Variants in MDGA2 observed in about 807,000 individuals in gnomAD.
MDGA2 encodes the protein MAM domain containing glycosylphosphatidylinositol anchor 2.
MDGA2 carries 40 observed loss-of-function variants against 117.8 expected under a neutral mutation model. The observed-to-expected ratio is 0.34, with a 90% CI of 0.26 to 0.44. The LOEUF (loss-of-function observed/expected upper bound fraction) is 0.44. MDGA2 is among the 20% of genes least tolerant of loss of function. MDGA2 has a pLI of 1.00. For synonymous variants in MDGA2, 452 were observed against 439.0 expected (o/e 1.03, Z -0.37); for missense variants, 1,123 against 1,250.6 (o/e 0.90, Z 1.54).
At chr14:46,914,083 G>A (rs1488184889) in intron 10 of MDGA2, among the ~76,000 whole-genome samples, 1 of 152,064 alleles carries the variant, frequency 6.6e-6, no homozygotes, top group East Asian at 1.9e-4. Flanking sequence ...GTATAAAATT[G>A]TGTATTATTT....
At chr14:46,928,233 A>G (rs1470201921) in intron 9 of MDGA2, among the ~76,000 whole-genome samples, 1 of 152,176 alleles carries the variant, frequency 6.6e-6, no homozygotes, top group Non-Finnish European at 1.5e-5. Flanking sequence ...TTTTAAAAAA[A>G]TTCAGTCACA....
chr14:47,296,723 C>T (rs1030681159), intron 2 of MDGA2, among the ~76,000 whole-genome samples: 12 of 152,322 alleles, frequency 7.9e-5, no homozygotes, highest in African/African-American at 2.9e-4. Context: ...TACAGCAATG[C>T]TACCATACAT....
chr14:46,992,919 ATT>A lies in MDGA2; in HGVS notation c.1820-35278_1820-35277del, dbSNP rs528781949. ...GACTAAACCTAATCGCTTACATATC[ATT>A]TAATATTGACAAGTGAAAATGAGTG... On this transcript the variant is annotated intron_variant, in intron 8 of 16. Coordinates refer to ENST00000399232, the MANE Select transcript of MDGA2 (RefSeq NM_001113498.3). 3.3e-5 allele frequency among the ~76,000 whole-genome samples: 5 copies of A among 152,310 alleles called. No individual in the cohort carries two copies. The South Asian group carries it at 1.0e-3, about 32-fold the overall frequency.
At chr14:47,078,996 A>C (rs1323291100) in intron 6 of MDGA2, among the ~76,000 whole-genome samples, 1 of 151,898 alleles carries the variant, frequency 6.6e-6, no homozygotes, top group African/African-American at 2.4e-5. Context: ...TACTTTTATC[A>C]ATACAACTTT....
At chr14:47,506,994 CTTTT>C (rs34589993) in intron 1 of MDGA2, among the ~76,000 whole-genome samples, 1 of 136,040 alleles carries the variant, frequency 7.4e-6, no homozygotes, top group Non-Finnish European at 1.6e-5. Flanking sequence ...AGGCTGCTTA[CTTTT>C]TTTTTTTTTT....
intron 7 of MDGA2, among the ~76,000 whole-genome samples, chr14:47,049,843 A>G (rs766616106): frequency 6.6e-6 from 1 of 151,368 alleles, no homozygotes; most frequent in Non-Finnish European, 1.5e-5. Context: ...TGATTTCTTT[A>G]CCCATCATAT....
intron 1 of MDGA2, among the ~76,000 whole-genome samples, chr14:47,326,258 ATATAT>A (rs1013360807): frequency 3.9e-5 from 6 of 152,122 alleles, no homozygotes; most frequent in Admixed American, 6.6e-5. Context: ...GATTTAAAAT[ATATAT>A]TATATTATGC....
intron 1 of MDGA2, among the ~76,000 whole-genome samples, chr14:47,323,149 GATATATATATATATAT>G (rs58765297): frequency 0.11 from 11,595 of 107,550 alleles, 985 homozygotes; most frequent in East Asian, 0.43. Flanking sequence ...AAGAGTCATG[GATATATATATATATAT>G]ATATATATAT....
chr14:47,553,529 T>C (rs1434263499), intron 1 of MDGA2, among the ~76,000 whole-genome samples: 1 of 152,182 alleles, frequency 6.6e-6, no homozygotes, highest in East Asian at 1.9e-4. Flanking sequence ...AGTGTGGACA[T>C]TTGAAAGCTT....
At chr14:46,886,719 G>A (rs1032677445) in intron 10 of MDGA2, among the ~76,000 whole-genome samples, 1 of 151,816 alleles carries the variant, frequency 6.6e-6, no homozygotes, top group Non-Finnish European at 1.5e-5. Context: ...AGAGAGAGAA[G>A]GAATTCTGAA....
intron 1 of MDGA2, among the ~76,000 whole-genome samples, chr14:47,379,811 A>T (rs1328260808): frequency 6.6e-6 from 1 of 152,152 alleles, no homozygotes; most frequent in Non-Finnish European, 1.5e-5. Context: ...TAGACAGATC[A>T]ACAAGACAGA....
rs746778179 is a variant in MDGA2, at chr14:46,964,919, CTTTT to C, written c.1820-7280_1820-7277del. 2.5e-4 allele frequency among the ~76,000 whole-genome samples: 22 copies of C among 89,788 alleles called. No individual in the cohort carries two copies. The South Asian group carries it at 4.0e-3, about 16-fold the overall frequency. The allele number at this position is 89,788 out of a possible 152,430, so 58.9% of individuals were successfully genotyped here. ...GAAAATATCCCCAAATATATATTTACTTTTTTTTTTTTTTTTTTTTTTGAGACAG... is the reference window on the plus strand; with the variant it reads ...GAAAATATCCCCAAATATATATTTACTTTTTTTTTTTTTTTTTTGAGACAG... On this transcript the variant is annotated intron_variant, in intron 8 of 16. Coordinates refer to ENST00000399232, the MANE Select transcript of MDGA2 (RefSeq NM_001113498.3).
chr14:47,008,074 G>C (rs4601958), intron 8 of MDGA2, among the ~76,000 whole-genome samples: 128,322 of 151,694 alleles, frequency 0.85, 54,459 homozygotes, highest in East Asian at 0.97. Context: ...AACCAGTAGT[G>C]AACTACTGGA....
intron 9 of MDGA2, among the ~76,000 whole-genome samples, chr14:46,941,587 C>G (rs1885002079): frequency 6.6e-6 from 1 of 152,130 alleles, no homozygotes; most frequent in African/African-American, 2.4e-5. Flanking sequence ...TTTGATTCCA[C>G]TGAACTAAAA....
intron 1 of MDGA2, among the ~76,000 whole-genome samples, chr14:47,660,184 TA>T (rs765512686): frequency 3.3e-5 from 5 of 152,302 alleles, no homozygotes; most frequent in Non-Finnish European, 5.9e-5. Flanking sequence ...AATTAAGAGT[TA>T]AAGTTCTAAA....
intron 1 of MDGA2, among the ~76,000 whole-genome samples, chr14:47,526,241 C>T (rs1178423550): frequency 2.0e-5 from 3 of 151,906 alleles, no homozygotes; most frequent in Non-Finnish European, 4.4e-5. Context: ...TCATCTGAAC[C>T]TGTTTATCAG....
chr14:47,409,218 G>A (rs915271952), intron 1 of MDGA2, among the ~76,000 whole-genome samples: 7 of 152,294 alleles, frequency 4.6e-5, no homozygotes, highest in Non-Finnish European at 7.4e-5. Flanking sequence ...AACATAGCCC[G>A]TTATGGGAAG....
At chr14:47,177,424 G>A (rs1884512076) in intron 3 of MDGA2, among the ~76,000 whole-genome samples, 1 of 152,108 alleles carries the variant, frequency 6.6e-6, no homozygotes, top group African/African-American at 2.4e-5. Flanking sequence ...ATGATAGACT[G>A]GATTAAGAAA....
intron 8 of MDGA2, among the ~76,000 whole-genome samples, chr14:46,969,083 T>C (rs1006827327): frequency 2.4e-4 from 36 of 152,118 alleles, no homozygotes; most frequent in African/African-American, 7.5e-4. Context: ...ATGAACTCAT[T>C]ATTTTTTATG....
Sources: gnomAD v4.1 joint callset for allele counts (sites outside exome capture counted in the v4.1 genomes callset) on GRCh38, gnomAD v4.1.1 for gene constraint, MANE v1.5 for transcripts, NCBI Gene and HGNC (gene_info 2026-07-23, HGNC 2026-07-21) for gene names.